Variants in PCDHGC3 observed in about 807,000 individuals in gnomAD.
PCDHGC3 encodes the protein protocadherin gamma-C3.
PCDHGC3 carries 26 observed loss-of-function variants against 59.2 expected under a neutral mutation model. That is an observed-to-expected ratio of 0.44 (90% CI 0.32 to 0.61). The LOEUF (loss-of-function observed/expected upper bound fraction) is 0.61, where lower values mean the gene tolerates loss of function less well. Among genes scored for constraint, PCDHGC3 ranks in the 20% least tolerant of loss-of-function variants. The pLI is 0.05. For missense variants in PCDHGC3, 1,080 were observed against 1,221.8 expected (o/e 0.88, Z 1.73); for synonymous variants, 487 against 519.7 (o/e 0.94, Z 0.86).
Position 141,489,653 on chromosome 5 carries a change from G to A in PCDHGC3, c.2431-5154G>A, listed in dbSNP as rs752269910. 2.0e-5 allele frequency: 33 copies of A among 1,614,164 alleles called. No individual in the cohort carries two copies. In the East Asian group the frequency reaches 4.9e-4, roughly 24 times the overall value. ...TCTCCTAGCTTTGCCACCCCTGAGC[G>A]AGAGATGCGCATCTCAGAATCAGCA... On this transcript the variant is annotated intron_variant, in intron 1 of 3. Transcript: ENST00000308177. This position sits in a 1 kb window ranked among gnomAD's most constrained non-coding sequence, Gnocchi z 4.5.
Position 141,511,350 on chromosome 5 carries a change from C to T in PCDHGC3, c.*177C>T, listed in dbSNP as rs1303365585. Reference sequence around the variant, plus strand: ...CCCAGTCAGCACCTACCCCTTCCCCCCCAGGGGGTTGAATATGCAAAAGCA... The same window carrying T: ...CCCAGTCAGCACCTACCCCTTCCCCTCCAGGGGGTTGAATATGCAAAAGCA... On this transcript the variant is annotated 3_prime_UTR_variant, in exon 4 of 4. Transcript: ENST00000308177. The T allele has an allele frequency of 6.4e-6, 9 of 1,397,076 alleles. No homozygotes were observed. Among genetic ancestry groups the T allele is most frequent in the Non-Finnish European group, 8.6e-6 (9 of 1,050,666 alleles). 86.5% of individuals were successfully genotyped at this position (1,397,076 alleles called of 1,614,324 possible).
chr5:141,485,172 CA>C lies in PCDHGC3; in HGVS notation c.2430+6628del. 6.2e-7 allele frequency: 1 copy of C among 1,610,166 alleles called. No individual in the cohort carries two copies. Among genetic ancestry groups the C allele is most frequent in the Non-Finnish European group, 8.5e-7 (1 of 1,176,940 alleles). On this transcript the variant is annotated intron_variant, in intron 1 of 3. Coordinates refer to ENST00000308177, the MANE Select transcript of PCDHGC3 (RefSeq NM_002588.4). The surrounding 1 kb of genome is among the most constrained non-coding windows in gnomAD (Gnocchi z 5.7). ...CAAGTAGAGAATTAGCGGGCGGCAG[CA>C]ATGCTCCGCAAGGTGAGAAGCTGGA...
chr5:141,479,342 G>A (rs926832955), intron 1 of PCDHGC3: 1 of 152,486 alleles, frequency 6.6e-6, no homozygotes, highest in Admixed American at 6.5e-5. Flanking sequence ...TGCACCTGTA[G>A]TTCTTGCTGC....
Position 141,491,902 on chromosome 5 carries a change from G to C in PCDHGC3, c.2431-2905G>C. On this transcript the variant is annotated intron_variant, in intron 1 of 3. Transcript: ENST00000308177. This position sits in a 1 kb window ranked among gnomAD's most constrained non-coding sequence, Gnocchi z 6.9. ...AGGGATGGGGCTCCGAGCACCGGGG[G>C]TGGTGGCGACTGTGGGCGAGGGGAG... 7.0e-7 allele frequency: 1 copy of C among 1,429,002 alleles called. No individual in the cohort carries two copies. Among genetic ancestry groups the C allele is most frequent in the Non-Finnish European group, 9.3e-7 (1 of 1,079,426 alleles). The allele number at this position is 1,429,002 out of a possible 1,614,324, so 88.5% of individuals were successfully genotyped here. A position where few individuals can be genotyped will look rare whatever the true frequency, so the allele number is the denominator to read the frequency against.
At position 141,486,811 on chromosome 5, in the gene PCDHGC3, C is replaced by A. The variant is rs2099635196; in HGVS notation, c.2431-7996C>A. On this transcript the variant is annotated intron_variant, in intron 1 of 3. Coordinates refer to ENST00000308177, the MANE Select transcript of PCDHGC3 (RefSeq NM_002588.4). The surrounding 1 kb of genome is among the most constrained non-coding windows in gnomAD (Gnocchi z 5.0). ...GGGATCGGGGCAACCCACCCCTTAG[C>A]AGCACTGTAACAGTTCGTCTATTTG... The A allele has an allele frequency of 1.2e-6, 2 of 1,614,124 alleles. No homozygotes were observed. The highest frequency in any genetic ancestry group is 2.2e-5 in the East Asian group (1 of 44,900).
rs375516156 is a variant in PCDHGC3 at position 141,510,311 on chromosome 5, C to G, written c.2579-636C>G. Among the ~76,000 whole-genome samples, 70 of 151,056 alleles carry G rather than the reference C, an allele frequency of 4.6e-4. No homozygotes were observed. The South Asian group carries it at 0.014, about 31-fold the overall frequency. On this transcript the variant is annotated intron_variant, in intron 3 of 3. Transcript: ENST00000308177. The stretch of plus-strand genomic sequence containing the variant: ...AAAAAATGCTGTTTTGAAATGGAGG[C>G]TTGGAAGAGCACTCTTCACCCCCAC...
At position 141,490,591 on chromosome 5, in the gene PCDHGC3, G is replaced by A; in HGVS notation, c.2431-4216G>A. 1 of 1,614,100 alleles carries A rather than the reference G, an allele frequency of 6.2e-7. No homozygotes were observed. Among genetic ancestry groups the A allele is most frequent in the African/African-American group, 1.3e-5 (1 of 75,016 alleles). ...CAACATTTCAGATGTCAATGACAAT[G>A]CACCCCGCTTCAACCAGCAGCTTTA... On this transcript the variant is annotated intron_variant, in intron 1 of 3. Coordinates refer to ENST00000308177, the MANE Select transcript of PCDHGC3 (RefSeq NM_002588.4). This position sits in a 1 kb window ranked among gnomAD's most constrained non-coding sequence, Gnocchi z 5.4.
At chr5:141,478,567 C>T (rs371741874) in intron 1 of PCDHGC3, 21 bp downstream of exon 1, 20 of 1,593,698 alleles carry the variant, frequency 1.3e-5, no homozygotes, top group Non-Finnish European at 1.7e-5. Flanking sequence ...GCAAGTCATG[C>T]TTGACCCTGT....
intron 1 of PCDHGC3, among the ~76,000 whole-genome samples, chr5:141,488,236 T>A (rs1333427955): frequency 6.6e-6 from 1 of 152,154 alleles, no homozygotes; most frequent in Admixed American, 6.5e-5. Context: ...TTGAACTAGA[T>A]GCGGTAAATT....
In PCDHGC3 at chr5:141,486,001, C is replaced by T. The variant is rs771993915; in HGVS notation, c.2430+7455C>T. ...ACCCGGACCTGGGTCCCAGTGGTAA[C>T]GTCACCTTTTATTTCAGTGGTCATA... On this transcript the variant is annotated intron_variant, in intron 1 of 3. Coordinates refer to ENST00000308177, the MANE Select transcript of PCDHGC3 (RefSeq NM_002588.4). This position sits in a 1 kb window ranked among gnomAD's most constrained non-coding sequence, Gnocchi z 5.0. The T allele has an allele frequency of 2.5e-6, 4 of 1,614,076 alleles. No homozygotes were observed. The highest frequency in any genetic ancestry group is 8.5e-7 in the Non-Finnish European group (1 of 1,180,032).
intron 2 of PCDHGC3, among the ~76,000 whole-genome samples, chr5:141,500,138 ACTTTT>A: frequency 6.6e-6 from 1 of 150,560 alleles, no homozygotes; most frequent in Middle Eastern, 3.2e-3. Flanking sequence ...ATCTTTCTAA[ACTTTT>A]CTTTGTGTAA....
Position 141,489,214 on chromosome 5 carries a change from T to TA in PCDHGC3, c.2431-5592dup, listed in dbSNP as rs771766565. On this transcript the variant is annotated intron_variant, in intron 1 of 3. Transcript: ENST00000308177. This position sits in a 1 kb window ranked among gnomAD's most constrained non-coding sequence, Gnocchi z 4.5. ...CCTTGGAGACAGGACAGCACAGACTTACTCTCCACAAAGGGACTTCTGGGT... is the reference window on the plus strand; with the variant it reads ...CCTTGGAGACAGGACAGCACAGACTTAACTCTCCACAAAGGGACTTCTGGGT... 216 of 1,480,534 alleles carry TA rather than the reference T, an allele frequency of 1.5e-4. 4 individuals are homozygous for TA. The South Asian group carries it at 2.1e-3, about 14-fold the overall frequency. 91.7% of individuals were successfully genotyped at this position (1,480,534 alleles called of 1,614,324 possible).
Position 141,489,458 on chromosome 5 carries a change from G to T in PCDHGC3, c.2431-5349G>T, listed in dbSNP as rs143138320. 1 of 1,613,924 alleles carries T rather than the reference G, an allele frequency of 6.2e-7. No homozygotes were observed. Among genetic ancestry groups the T allele is most frequent in the Non-Finnish European group, 8.5e-7 (1 of 1,180,000 alleles). On this transcript the variant is annotated intron_variant, in intron 1 of 3. Coordinates refer to ENST00000308177, the MANE Select transcript of PCDHGC3 (RefSeq NM_002588.4). The surrounding 1 kb of genome is among the most constrained non-coding windows in gnomAD (Gnocchi z 4.5). ...CAATTGGGCTCTGAGGAGAATGGGC[G>T]CTATTTTTCCCTGAGCTTGATGAGT...
In PCDHGC3 at chr5:141,485,313, A is replaced by G. The variant is rs758628263; in HGVS notation, c.2430+6767A>G. On this transcript the variant is annotated intron_variant, in intron 1 of 3. Transcript: ENST00000308177. The surrounding 1 kb of genome is among the most constrained non-coding windows in gnomAD (Gnocchi z 5.7). Reference sequence around the variant, plus strand: ...TCACAGGAAGGGACTTTTGTAGGGAATGTCGCTCAAGATTTCCTGCTGGAT... The same window carrying G: ...TCACAGGAAGGGACTTTTGTAGGGAGTGTCGCTCAAGATTTCCTGCTGGAT... 1.2e-6 allele frequency: 2 copies of G among 1,614,186 alleles called. No individual in the cohort carries two copies. Among genetic ancestry groups the G allele is most frequent in the African/African-American group, 1.3e-5 (1 of 75,054 alleles).
chr5:141,483,951 TTG>T (rs1298075162), intron 1 of PCDHGC3, among the ~76,000 whole-genome samples: 2 of 147,758 alleles, frequency 1.4e-5, no homozygotes, highest in Non-Finnish European at 3.0e-5. Flanking sequence ...GTGAATTGTG[TTG>T]TGTTTCTGTG....
At position 141,485,144 on chromosome 5, in the gene PCDHGC3, G is replaced by A; in HGVS notation, c.2430+6598G>A. 6.4e-7 allele frequency: 1 copy of A among 1,564,192 alleles called. No homozygotes were observed. The highest frequency in any genetic ancestry group is 1.7e-5 in the Admixed American group (1 of 59,326). On this transcript the variant is annotated intron_variant, in intron 1 of 3. Transcript: ENST00000308177. This position sits in a 1 kb window ranked among gnomAD's most constrained non-coding sequence, Gnocchi z 5.7. ...CGGGTCGGCTTCATCCGCGTCTCAG[G>A]AGCAAGTAGAGAATTAGCGGGCGGC...
In PCDHGC3 at chr5:141,485,115, G is replaced by T. The variant is rs1043877839; in HGVS notation, c.2430+6569G>T. On this transcript the variant is annotated intron_variant, in intron 1 of 3. Transcript: ENST00000308177. This position sits in a 1 kb window ranked among gnomAD's most constrained non-coding sequence, Gnocchi z 5.7. ...GTGTCTCCAGCTGCTGTGGCTGTTT[G>T]GGGCGGGTCGGCTTCATCCGCGTCT... The T allele has an allele frequency of 3.8e-6, 5 of 1,300,464 alleles. No homozygotes were observed. The African/African-American group carries it at 5.8e-5, about 15-fold the overall frequency. The allele number at this position is 1,300,464 out of a possible 1,614,324, so 80.6% of individuals were successfully genotyped here.
rs1387152450 is a variant in PCDHGC3 at position 141,487,754 on chromosome 5, G to A, written c.2431-7053G>A. The A allele has an allele frequency of 1.3e-6, 2 of 1,552,036 alleles. No individual in the cohort carries two copies. Among genetic ancestry groups the A allele is most frequent in the Admixed American group, 3.9e-5 (2 of 50,970 alleles). ...CATTTTTGTAAGAGGTAACTATGTG[G>A]TAGACGCTGTGCTTTGTAACTGTTT... On this transcript the variant is annotated intron_variant, in intron 1 of 3. Transcript: ENST00000308177. This position sits in a 1 kb window ranked among gnomAD's most constrained non-coding sequence, Gnocchi z 5.0.
rs759587995 is a variant in PCDHGC3, at chr5:141,491,802, G to T, written c.2431-3005G>T. On this transcript the variant is annotated intron_variant, in intron 1 of 3. Coordinates refer to ENST00000308177, the MANE Select transcript of PCDHGC3 (RefSeq NM_002588.4). The surrounding 1 kb of genome is among the most constrained non-coding windows in gnomAD (Gnocchi z 6.9). ...ACTTGCATCCACTCCTCTCCGGCCGGCTTGGTCGCTGGCTGCGCTCCACCC... is the reference window on the plus strand; with the variant it reads ...ACTTGCATCCACTCCTCTCCGGCCGTCTTGGTCGCTGGCTGCGCTCCACCC... 1 of 1,497,480 alleles carries T rather than the reference G, an allele frequency of 6.7e-7. No individual in the cohort carries two copies. Among genetic ancestry groups the T allele is most frequent in the East Asian group, 2.5e-5 (1 of 40,518 alleles). The allele number at this position is 1,497,480 out of a possible 1,614,324, so 92.8% of individuals were successfully genotyped here. A position where few individuals can be genotyped will look rare whatever the true frequency, so the allele number is the denominator to read the frequency against.
Sources: gnomAD v4.1 joint callset for allele counts (sites outside exome capture counted in the v4.1 genomes callset) on GRCh38, gnomAD v4.1.1 for gene constraint, Gnocchi (gnomAD v3.1) non-coding constraint, MANE v1.5 for transcripts, NCBI Gene and HGNC (gene_info 2026-07-23, HGNC 2026-07-21) for gene names.